Variants in SOX6 observed in about 807,000 individuals in gnomAD.
SOX6 encodes the protein transcription factor SOX-6.
Under a neutral mutation model 97.8 loss-of-function variants are expected in SOX6, and 11 were observed. The ratio of observed to expected loss-of-function variants is 0.11; its 90% CI spans 0.07 to 0.19. The LOEUF is 0.19. SOX6 is among the 10% of genes least tolerant of loss of function. SOX6 has a pLI of 1.00. For synonymous variants in SOX6, 360 were observed against 371.4 expected (o/e 0.97, Z 0.35); for missense variants, 810 against 1,039.5 (o/e 0.78, Z 3.04).
intron 9 of SOX6, among the ~76,000 whole-genome samples, chr11:16,071,862 G>A (rs986180484): frequency 1.3e-5 from 2 of 150,956 alleles, no homozygotes; most frequent in African/African-American, 4.9e-5. Flanking sequence ...CCAGTCAACT[G>A]AACCCACCTT....
chr11:16,206,900 G>A (rs1468006440), intron 4 of SOX6, among the ~76,000 whole-genome samples: 1 of 152,150 alleles, frequency 6.6e-6, no homozygotes, highest in Non-Finnish European at 1.5e-5. Context: ...CACTCTCTGA[G>A]TTTAAACTCT....
intron 6 of SOX6, among the ~76,000 whole-genome samples, chr11:16,133,000 C>T (rs1039766058): frequency 6.6e-6 from 1 of 151,756 alleles, no homozygotes; most frequent in Non-Finnish European, 1.5e-5. Context: ...GTAAAATAGG[C>T]CCTGGAATAA....
intron 4 of SOX6, among the ~76,000 whole-genome samples, chr11:16,571,127 T>C (rs1055017814): frequency 2.6e-5 from 4 of 152,218 alleles, no homozygotes; most frequent in Admixed American, 2.6e-4. Flanking sequence ...TTGCTTCTAC[T>C]GAATTGTTGC....
chr11:16,181,792 T>A (rs1043553170), intron 6 of SOX6, among the ~76,000 whole-genome samples: 2 of 151,746 alleles, frequency 1.3e-5, no homozygotes, highest in Non-Finnish European at 3.0e-5. Context: ...TTTTAAAAAA[T>A]TTGAGTTCTT....
At chr11:16,623,344 G>C (rs987726992) in intron 3 of SOX6, among the ~76,000 whole-genome samples, 1 of 152,018 alleles carries the variant, frequency 6.6e-6, no homozygotes, top group Admixed American at 6.6e-5. Flanking sequence ...TAATATGTTT[G>C]TTGGCCATTT....
At chr11:16,058,794 C>A (rs1847878614) in intron 9 of SOX6, among the ~76,000 whole-genome samples, 1 of 151,990 alleles carries the variant, frequency 6.6e-6, no homozygotes, top group African/African-American at 2.4e-5. Context: ...AGACATAAAC[C>A]TCTCAAGTTC....
chr11:16,569,461 C>G (rs1847913158), intron 4 of SOX6, among the ~76,000 whole-genome samples: 1 of 152,048 alleles, frequency 6.6e-6, no homozygotes, highest in South Asian at 2.1e-4. Flanking sequence ...AGTTAGCACA[C>G]AGTACGTATA....
intron 4 of SOX6, among the ~76,000 whole-genome samples, chr11:16,592,354 C>T (rs945551054): frequency 2.7e-5 from 4 of 149,560 alleles, no homozygotes; most frequent in African/African-American, 9.9e-5. Flanking sequence ...AAGTTATGCC[C>T]CTTTGACCTC....
chr11:16,577,842 A>G (rs1847997325), intron 4 of SOX6, among the ~76,000 whole-genome samples: 1 of 152,192 alleles, frequency 6.6e-6, no homozygotes, highest in Non-Finnish European at 1.5e-5. Flanking sequence ...TATTAGAATT[A>G]TGACTTGCAA....
intron 1 of SOX6, among the ~76,000 whole-genome samples, chr11:16,344,219 G>T (rs1856716199): frequency 6.6e-6 from 1 of 151,620 alleles, no homozygotes; most frequent in Non-Finnish European, 1.5e-5. Context: ...GGGTTTTTTT[G>T]TTTACATCTT....
chr11:16,204,991 C>A (rs1852035784), intron 4 of SOX6, among the ~76,000 whole-genome samples: 1 of 152,074 alleles, frequency 6.6e-6, no homozygotes, highest in Non-Finnish European at 1.5e-5. Context: ...CACTTTAAAT[C>A]TCTCTTGGTA....
intron 14 of SOX6, among the ~76,000 whole-genome samples, chr11:15,987,210 G>A (rs1014350295): frequency 1.3e-5 from 2 of 152,052 alleles, no homozygotes; most frequent in African/African-American, 4.8e-5. Flanking sequence ...TGAATAAAGC[G>A]GTAACAGCTG....
rs1853279166 is a variant in SOX6 at position 15,970,795 on chromosome 11, A to T, written c.*2014T>A. The T allele has an allele frequency of 6.6e-6, 1 of 152,624 alleles. No individual in the cohort carries two copies. The highest frequency in any genetic ancestry group is 2.1e-4 in the South Asian group (1 of 4,828). The allele number at this position is 152,624 out of a possible 1,614,324, so 9.5% of individuals were successfully genotyped here. ...TACACTATTTTCTTCCAAGTGACAAAATGGCTCAAGAAATCTGATGGGGCC... is the reference window on the plus strand; with the variant it reads ...TACACTATTTTCTTCCAAGTGACAATATGGCTCAAGAAATCTGATGGGGCC... On this transcript the variant is annotated 3_prime_UTR_variant, in exon 16 of 16. Coordinates refer to ENST00000683767, the MANE Select transcript of SOX6 (RefSeq NM_001367873.1).
intron 1 of SOX6, among the ~76,000 whole-genome samples, chr11:16,402,444 C>T (rs1196683642): frequency 6.6e-6 from 1 of 151,596 alleles, no homozygotes; most frequent in Non-Finnish European, 1.5e-5. Context: ...TGTTAAGTAT[C>T]ACATCATTGG....
At chr11:16,476,041 A>G (rs887921538) in intron 1 of SOX6, among the ~76,000 whole-genome samples, 1 of 152,190 alleles carries the variant, frequency 6.6e-6, no homozygotes, top group African/African-American at 2.4e-5. Context: ...ATTGAGCCCT[A>G]TTCTCAAAGA....
intron 4 of SOX6, among the ~76,000 whole-genome samples, chr11:16,219,289 T>C (rs2134154598): frequency 6.6e-6 from 1 of 152,192 alleles, no homozygotes. Flanking sequence ...TGCCTTGCAA[T>C]TGGCTCAGCG....
chr11:16,303,882 G>T (rs967222438), intron 3 of SOX6, among the ~76,000 whole-genome samples: 2 of 152,124 alleles, frequency 1.3e-5, no homozygotes, highest in Non-Finnish European at 2.9e-5. Flanking sequence ...TGGAGAAAAT[G>T]TAAATAGTTT....
intron 6 of SOX6, among the ~76,000 whole-genome samples, chr11:16,151,762 T>C (rs1850462701): frequency 6.6e-6 from 1 of 152,122 alleles, no homozygotes; most frequent in Non-Finnish European, 1.5e-5. Context: ...TCTATAAAAT[T>C]AGGCCCAGTG....
At chr11:16,016,316 T>A (rs1408349137) in intron 12 of SOX6, among the ~76,000 whole-genome samples, 1 of 152,094 alleles carries the variant, frequency 6.6e-6, no homozygotes, top group Non-Finnish European at 1.5e-5. Flanking sequence ...TCATGGAATA[T>A]GTTGAAATCT....
Sources: gnomAD v4.1 joint callset for allele counts (sites outside exome capture counted in the v4.1 genomes callset) on GRCh38, gnomAD v4.1.1 for gene constraint, MANE v1.5 for transcripts, NCBI Gene and HGNC (gene_info 2026-07-23, HGNC 2026-07-21) for gene names.